MROH9: variants seen among roughly 807,000 people sequenced by gnomAD.
MROH9 encodes the protein maestro heat-like repeat-containing protein family member 9.
A neutral mutation model predicts 98.2 loss-of-function variants in MROH9; 92 were observed. The observed-to-expected ratio is 0.94, with a 90% confidence interval of 0.79 to 1.11. The LOEUF (loss-of-function observed/expected upper bound fraction) is 1.11. Ranked by LOEUF, MROH9 falls within the 50% of genes most tolerant of loss-of-function variation. The probability of loss-of-function intolerance (pLI) is 0.00; values close to 1 mark genes in which losing one functional copy is unlikely to be tolerated. For missense variants in MROH9, 1,057 were observed against 1,014.8 expected, an observed-to-expected ratio of 1.04 and a Z score of -0.57; for synonymous variants, 397 against 368.9, an observed-to-expected ratio of 1.08 and a Z score of -0.87.
intron 15 of MROH9, among the ~76,000 whole-genome samples, chr1:171,009,365 T>C (rs1270312758): frequency 6.6e-6 from 1 of 152,162 alleles, no homozygotes; most frequent in Non-Finnish European, 1.5e-5. Flanking sequence ...CTTAGATATA[T>C]TCTAAGAATG....
intron 17 of MROH9, among the ~76,000 whole-genome samples, chr1:171,017,951 C>T (rs1652384756): frequency 6.6e-6 from 1 of 152,178 alleles, no homozygotes; most frequent in Admixed American, 6.5e-5. Flanking sequence ...CACCAGCAGA[C>T]ATAGTCTTTC....
In MROH9 at chr1:170,971,793, T is replaced by TCTCTTTTGTGTTCCCATG; in HGVS notation, c.527_544dup (p.His181_Glu182insAlaLeuLeuCysSerHis). ...TTTGGGTCTCCTGGCAGCAGAGCTG[T>TCTCTTTTGTGTTCCCATG]CTCTTTTGTGTTCCCATGAAGATCC... On this transcript the variant is annotated inframe_insertion, in exon 8 of 22. Coordinates refer to ENST00000367759, the MANE Select transcript of MROH9 (RefSeq NM_001163629.2). 1.2e-6 allele frequency: 2 copies of TCTCTTTTGTGTTCCCATG among 1,614,064 alleles called. No homozygotes were observed. The highest frequency in any genetic ancestry group is 2.7e-5 in the African/African-American group (2 of 75,052).
At chr1:170,982,772 G>T (rs1650984936) in intron 8 of MROH9, among the ~76,000 whole-genome samples, 1 of 152,100 alleles carries the variant, frequency 6.6e-6, no homozygotes, top group South Asian at 2.1e-4. Flanking sequence ...GCATGTACCT[G>T]CAATCCCAGC....
chr1:170,992,404 C>A, intron 12 of MROH9, 75 bp downstream of exon 12: 1 of 1,441,620 alleles, frequency 6.9e-7, no homozygotes, highest in Non-Finnish European at 9.5e-7. Context: ...TGCCCACAGA[C>A]TCAATCATAC....
In MROH9 at chr1:170,995,620, T is replaced by C. The variant is rs1651538700; in HGVS notation, c.1337+89T>C. 3.6e-6 allele frequency: 5 copies of C among 1,400,380 alleles called. No individual in the cohort carries two copies. The African/African-American group carries it at 7.2e-5, about 20-fold the overall frequency. The allele number at this position is 1,400,380 out of a possible 1,614,324, so 86.7% of individuals were successfully genotyped here. A position where few individuals can be genotyped will look rare whatever the true frequency, so the allele number is the denominator to read the frequency against. ...CCCTCTTGGGTTCATATGGGATTCT[T>C]TACAGTCCCATGTGCGGTGTGTTCA... On this transcript the variant is annotated intron_variant, in intron 13 of 21. Coordinates refer to ENST00000367759, the MANE Select transcript of MROH9 (RefSeq NM_001163629.2).
chr1:171,019,931 G>A (rs972519975), intron 17 of MROH9, among the ~76,000 whole-genome samples: 15 of 151,982 alleles, frequency 9.9e-5, no homozygotes, highest in Non-Finnish European at 1.8e-4. Context: ...TGATAAGGGG[G>A]AAATCACCAC....
intron 4 of MROH9, among the ~76,000 whole-genome samples, chr1:170,959,026 T>C (rs1038508112): frequency 6.6e-6 from 1 of 152,178 alleles, no homozygotes; most frequent in African/African-American, 2.4e-5. Context: ...AAGAGAATAT[T>C]TAAGACTCAT....
chr1:170,971,088 C>A (rs1650440600), intron 7 of MROH9, among the ~76,000 whole-genome samples: 1 of 152,152 alleles, frequency 6.6e-6, no homozygotes, highest in Non-Finnish European at 1.5e-5. Flanking sequence ...CCTCTTTTCT[C>A]TCTCTACTCC....
chr1:171,022,228 C>A (rs571562431), intron 17 of MROH9, among the ~76,000 whole-genome samples: 1 of 152,170 alleles, frequency 6.6e-6, no homozygotes, highest in East Asian at 1.9e-4. Flanking sequence ...ACCATCTGAC[C>A]CAGCAATCCC....
At chr1:171,012,782 C>G (rs908627908) in intron 15 of MROH9, among the ~76,000 whole-genome samples, 1 of 152,196 alleles carries the variant, frequency 6.6e-6, no homozygotes, top group Non-Finnish European at 1.5e-5. Context: ...GGATTACAGG[C>G]ATGAGCCACC....
rs553959170 is a variant in MROH9 at position 171,014,341 on chromosome 1, G to C, written c.1734+87G>C. 11 of 1,276,756 alleles carry C rather than the reference G, an allele frequency of 8.6e-6. No homozygotes were observed. In the African/African-American group the frequency reaches 1.6e-4, roughly 19 times the overall value. 79.1% of individuals were successfully genotyped at this position (1,276,756 alleles called of 1,614,324 possible). ...CACTTAACATCTTCACTGACAAAGC[G>C]GTGATATTTTTCAGTCTCTATATAA... On this transcript the variant is annotated intron_variant, in intron 16 of 21. Transcript: ENST00000367759.
At chr1:171,007,354 C>T (rs1477090919) in intron 15 of MROH9, among the ~76,000 whole-genome samples, 1 of 152,150 alleles carries the variant, frequency 6.6e-6, no homozygotes, top group Non-Finnish European at 1.5e-5. Context: ...AAACAACAGA[C>T]CTATTACCAA....
intron 8 of MROH9, among the ~76,000 whole-genome samples, chr1:170,976,717 G>A (rs954415135): frequency 4.6e-5 from 7 of 152,160 alleles, no homozygotes; most frequent in African/African-American, 1.2e-4. Context: ...ATGATTATGT[G>A]TCTTGGGGAT....
chr1:171,041,054 G>A (rs753180589), intron 20 of MROH9, among the ~76,000 whole-genome samples: 34 of 151,840 alleles, frequency 2.2e-4, no homozygotes, highest in Non-Finnish European at 2.9e-4. Flanking sequence ...AATGGTGGAA[G>A]GCTGGGCATT....
chr1:170,968,317 G>A (rs1650310027), intron 7 of MROH9, among the ~76,000 whole-genome samples: 1 of 152,168 alleles, frequency 6.6e-6, no homozygotes, highest in South Asian at 2.1e-4. Context: ...GCAGACAGAA[G>A]TTGAGAATTT....
At chr1:170,937,237 C>T (rs1215773138) in intron 1 of MROH9, among the ~76,000 whole-genome samples, 2 of 152,204 alleles carry the variant, frequency 1.3e-5, no homozygotes, top group African/African-American at 4.8e-5. Context: ...TGAAAATGCA[C>T]TAAACCCTTC....
chr1:170,978,682 G>A (rs966822325), intron 8 of MROH9, among the ~76,000 whole-genome samples: 22 of 152,046 alleles, frequency 1.4e-4, no homozygotes, highest in African/African-American at 5.3e-4. Context: ...GAGAAATTCT[G>A]GGCTGCCTCT....
At chr1:170,970,967 C>T (rs1012907188) in intron 7 of MROH9, among the ~76,000 whole-genome samples, 2 of 152,186 alleles carry the variant, frequency 1.3e-5, no homozygotes, top group African/African-American at 4.8e-5. Context: ...AGTCATGCTG[C>T]TAGTTTGCCA....
chr1:171,050,232 TA>T (rs1227431362), intron 20 of MROH9, among the ~76,000 whole-genome samples: 1 of 152,154 alleles, frequency 6.6e-6, no homozygotes, highest in Non-Finnish European at 1.5e-5. Flanking sequence ...GAGTTTTCCC[TA>T]ATTTTTCTTT....
Sources: gnomAD v4.1 joint callset for allele counts (sites outside exome capture counted in the v4.1 genomes callset) on GRCh38, gnomAD v4.1.1 for gene constraint, MANE v1.5 for transcripts, NCBI Gene and HGNC (gene_info 2026-07-23, HGNC 2026-07-21) for gene names.